Variants in RBFOX1 observed in about 807,000 individuals in gnomAD.
The protein encoded by RBFOX1 is RNA binding fox-1 homolog 1, also known as RNA binding protein fox-1 homolog 1.
A neutral mutation model predicts 57.7 loss-of-function variants in RBFOX1; 8 were observed. That is an observed-to-expected ratio of 0.14 (90% CI 0.08 to 0.25). The LOEUF is 0.25. RBFOX1 is among the 10% of genes least tolerant of loss of function. The probability of loss-of-function intolerance (pLI) is 1.00; values close to 1 mark genes in which losing one functional copy is unlikely to be tolerated. For missense variants in RBFOX1, 611 were observed against 548.5 expected (o/e 1.11, Z -1.14); for synonymous variants, 326 against 222.4 (o/e 1.47, Z -4.15).
intron 3 of RBFOX1, among the ~76,000 whole-genome samples, chr16:6,867,389 G>C (rs759595602): frequency 2.0e-5 from 3 of 151,864 alleles, no homozygotes; most frequent in Non-Finnish European, 4.4e-5. Context: ...TTATAAACCA[G>C]AATTTTTGTT....
intron 4 of RBFOX1, chr16:7,333,217 C>T: frequency 1.3e-6 from 1 of 793,680 alleles, no homozygotes; most frequent in South Asian, 1.6e-5. Flanking sequence ...AGTGAGAAGA[C>T]AGTAGGAAAT....
intron 4 of RBFOX1, among the ~76,000 whole-genome samples, chr16:7,148,080 C>G (rs571128787): frequency 3.2e-4 from 48 of 152,270 alleles, no homozygotes; most frequent in African/African-American, 1.1e-3. Context: ...GATGAGCAGA[C>G]AAACCTAGTC....
chr16:5,710,158 C>T (rs2051431815), intron 3 of RBFOX1, among the ~76,000 whole-genome samples: 1 of 151,854 alleles, frequency 6.6e-6, no homozygotes, highest in African/African-American at 2.4e-5. Flanking sequence ...CTACTCAGAG[C>T]CATGTGAGTT....
At chr16:5,419,190 T>C (rs991030458) in intron 1 of RBFOX1, among the ~76,000 whole-genome samples, 7 of 152,072 alleles carry the variant, frequency 4.6e-5, no homozygotes, top group African/African-American at 1.7e-4. Flanking sequence ...ATCAGATAGA[T>C]GTTTATGTAA....
chr16:7,030,422 A>C (rs551696493), intron 3 of RBFOX1, among the ~76,000 whole-genome samples: 4 of 152,218 alleles, frequency 2.6e-5, no homozygotes, highest in Non-Finnish European at 5.9e-5. Flanking sequence ...CACAAGTCTG[A>C]AATCAAAATG....
intron 2 of RBFOX1, among the ~76,000 whole-genome samples, chr16:5,497,376 C>T (rs2043035120): frequency 6.6e-6 from 1 of 151,868 alleles, no homozygotes; most frequent in Non-Finnish European, 1.5e-5. Context: ...ACAACAGATG[C>T]ATCTTTTATG....
intron 1 of RBFOX1, chr16:5,260,683 T>G (rs1418459432): frequency 6.6e-6 from 1 of 152,258 alleles, no homozygotes; most frequent in Non-Finnish European, 1.5e-5. Flanking sequence ...TCTTTACTCC[T>G]TTTGCTTTTT....
At chr16:6,940,636 C>T (rs2078214101) in intron 3 of RBFOX1, among the ~76,000 whole-genome samples, 1 of 152,092 alleles carries the variant, frequency 6.6e-6, no homozygotes, top group African/African-American at 2.4e-5. Context: ...CTTACTCTGT[C>T]ACCCAGGCTG....
chr16:5,413,096 C>T (rs1017448715), intron 1 of RBFOX1, among the ~76,000 whole-genome samples: 2 of 152,152 alleles, frequency 1.3e-5, no homozygotes, highest in African/African-American at 2.4e-5. Context: ...TGATGTTTCC[C>T]ATCACGATGC....
At chr16:5,579,955 G>C (rs1047499650) in intron 2 of RBFOX1, among the ~76,000 whole-genome samples, 1 of 151,974 alleles carries the variant, frequency 6.6e-6, no homozygotes, top group African/African-American at 2.4e-5. Flanking sequence ...ATTTTTAGTA[G>C]AGACGGGGTT....
chr16:5,921,890 G>T (rs1257935133), intron 4 of RBFOX1, among the ~76,000 whole-genome samples: 2 of 152,026 alleles, frequency 1.3e-5, no homozygotes, highest in Admixed American at 1.3e-4. Flanking sequence ...GGTGGCTTAG[G>T]CCTGTAATCC....
intron 2 of RBFOX1, among the ~76,000 whole-genome samples, chr16:6,410,031 G>C (rs867826528): frequency 1.3e-5 from 2 of 152,124 alleles, no homozygotes; most frequent in Non-Finnish European, 2.9e-5. Flanking sequence ...AGGCAAAGGT[G>C]AGACTAGGAG....
At chr16:6,978,496 T>A (rs763904172) in intron 3 of RBFOX1, among the ~76,000 whole-genome samples, 2 of 152,186 alleles carry the variant, frequency 1.3e-5, no homozygotes, top group Non-Finnish European at 2.9e-5. Flanking sequence ...TGTATTATTA[T>A]CTCCATTTTA....
At chr16:6,815,250 T>A (rs1271500517) in intron 3 of RBFOX1, among the ~76,000 whole-genome samples, 1 of 152,116 alleles carries the variant, frequency 6.6e-6, no homozygotes, top group Non-Finnish European at 1.5e-5. Context: ...CTCATTGCCA[T>A]CTTGGTTTTG....
chr16:7,587,450 T>C (rs926888008), intron 7 of RBFOX1, 150 bp downstream of exon 7: 4 of 810,218 alleles, frequency 4.9e-6, no homozygotes, highest in Non-Finnish European at 6.8e-6. Flanking sequence ...GTTTTCAAAA[T>C]GGTGGGAAAG....
intron 1 of RBFOX1, among the ~76,000 whole-genome samples, chr16:6,314,560 G>GGGCTA (rs1567916726): frequency 3.3e-5 from 5 of 151,928 alleles, no homozygotes; most frequent in Non-Finnish European, 5.9e-5. Flanking sequence ...GGTTGTAATC[G>GGGCTA]AAGGGCTAAA....
At chr16:5,699,885 G>A (rs1409912439) in intron 3 of RBFOX1, among the ~76,000 whole-genome samples, 1 of 152,180 alleles carries the variant, frequency 6.6e-6, no homozygotes, top group Non-Finnish European at 1.5e-5. Flanking sequence ...CCAGGCTGGA[G>A]TGCAGTGGTG....
chr16:6,530,284 C>G (rs1199603121), intron 2 of RBFOX1, among the ~76,000 whole-genome samples: 1 of 152,072 alleles, frequency 6.6e-6, no homozygotes, highest in African/African-American at 2.4e-5. Flanking sequence ...CAACAGTGTG[C>G]TTGCATTCCT....
At chr16:6,003,893 T>C (rs1212996744) in intron 4 of RBFOX1, among the ~76,000 whole-genome samples, 3 of 152,232 alleles carry the variant, frequency 2.0e-5, no homozygotes, top group East Asian at 1.9e-4. Flanking sequence ...TTTTGATTTA[T>C]TAAGAGAGTC....
Sources: gnomAD v4.1 joint callset for allele counts (sites outside exome capture counted in the v4.1 genomes callset) on GRCh38, gnomAD v4.1.1 for gene constraint, MANE v1.5 for transcripts, NCBI Gene and HGNC (gene_info 2026-07-23, HGNC 2026-07-21) for gene names.